Variants in TASP1 observed in about 807,000 individuals in gnomAD.
TASP1 encodes the protein threonine aspartase 1.
In TASP1, 16 loss-of-function variants were observed where a neutral mutation model predicts 56.6. That is an observed-to-expected ratio of 0.28 (90% CI 0.19 to 0.43). The LOEUF (loss-of-function observed/expected upper bound fraction) is 0.43. Ranked by LOEUF, TASP1 falls within the 20% of genes least tolerant of loss-of-function variation. The pLI, the probability that TASP1 is intolerant of heterozygous loss-of-function variation, is 1.00. For synonymous variants in TASP1, 179 were observed against 184.2 expected, an observed-to-expected ratio of 0.97 and a Z score of 0.23; for missense variants, 393 against 511.6, an observed-to-expected ratio of 0.77 and a Z score of 2.24.
the TASP1 span, among the ~76,000 whole-genome samples, chr20:13,205,989 C>T: frequency 6.6e-6 from 1 of 152,230 alleles, no homozygotes; most frequent in Admixed American, 6.5e-5. Flanking sequence ...CTCAGGACCT[C>T]CATCACCGGG....
intron 4 of TASP1, among the ~76,000 whole-genome samples, chr20:13,601,874 T>C (rs2047972240): frequency 7.5e-6 from 1 of 132,662 alleles, no homozygotes; most frequent in Non-Finnish European, 1.6e-5. Context: ...CATTCTTTTT[T>C]TTTTTTTTTT....
downstream of TASP1, among the ~76,000 whole-genome samples, chr20:13,384,729 C>T (rs1327653598): frequency 2.0e-5 from 3 of 152,256 alleles, no homozygotes; most frequent in East Asian, 1.9e-4. Flanking sequence ...CCTACTCATA[C>T]TTCCTTCCCC....
chr20:13,347,864 A>ATT, the TASP1 span, among the ~76,000 whole-genome samples: 1 of 151,468 alleles, frequency 6.6e-6, no homozygotes, highest in Non-Finnish European at 1.5e-5. Flanking sequence ...AAAATGGATA[A>ATT]TTTTTATTCC....
chr20:13,351,369 C>T, the TASP1 span, among the ~76,000 whole-genome samples: 46 of 152,302 alleles, frequency 3.0e-4, no homozygotes, highest in African/African-American at 8.7e-4. Context: ...ACACAGATAC[C>T]TGGTCACGAA....
chr20:13,154,137 G>A, the TASP1 span: 4 of 1,614,010 alleles, frequency 2.5e-6, no homozygotes, highest in South Asian at 2.2e-5. Context: ...TGGTAAAGTA[G>A]CGTAAGTATC....
chr20:13,473,138 C>T (rs1004497444), intron 11 of TASP1, among the ~76,000 whole-genome samples: 1 of 152,046 alleles, frequency 6.6e-6, no homozygotes, highest in Admixed American at 6.6e-5. Context: ...ACATATACAC[C>T]ATGGAATACT....
At chr20:13,489,533 GAAAAGAAAAGAA>G (rs1290268184) in intron 10 of TASP1, among the ~76,000 whole-genome samples, 1 of 151,812 alleles carries the variant, frequency 6.6e-6, no homozygotes, top group Admixed American at 6.6e-5. Context: ...AAAAAAAAGA[GAAAAGAAAAGAA>G]AAAAGAAAGA....
chr20:13,623,070 C>T (rs1442414216), intron 4 of TASP1, among the ~76,000 whole-genome samples: 1 of 152,154 alleles, frequency 6.6e-6, no homozygotes, highest in East Asian at 1.9e-4. Context: ...GAATCTTCCC[C>T]TTCTACTTTA....
chr20:13,126,506 G>A, the TASP1 span: 1 of 1,511,608 alleles, frequency 6.6e-7, no homozygotes. Context: ...TTTGCTATGA[G>A]GATAGGGATG....
the TASP1 span, among the ~76,000 whole-genome samples, chr20:13,372,903 C>T: frequency 1.3e-5 from 2 of 151,904 alleles, no homozygotes; most frequent in Non-Finnish European, 2.9e-5. Context: ...AAATGTTCCT[C>T]CTGTATAGCT....
chr20:13,605,218 G>C (rs1239320695), intron 4 of TASP1, among the ~76,000 whole-genome samples: 1 of 151,924 alleles, frequency 6.6e-6, no homozygotes. Flanking sequence ...AGGGAAATTT[G>C]AGAGTAATGG....
the TASP1 span, among the ~76,000 whole-genome samples, chr20:13,359,437 A>G: frequency 1.3e-5 from 2 of 151,460 alleles, no homozygotes; most frequent in African/African-American, 4.9e-5. Flanking sequence ...CTGAAGACTG[A>G]CACTGCCCGA....
At chr20:13,393,844 G>A (rs1245310779) in intron 13 of TASP1, among the ~76,000 whole-genome samples, 1 of 151,424 alleles carries the variant, frequency 6.6e-6, no homozygotes, top group Non-Finnish European at 1.5e-5. Context: ...CCACCCTGTT[G>A]TATACCATGA....
At chr20:13,364,009 A>C in the TASP1 span, among the ~76,000 whole-genome samples, 1 of 152,186 alleles carries the variant, frequency 6.6e-6, no homozygotes, top group African/African-American at 2.4e-5. Flanking sequence ...ATAATAACTC[A>C]CAAAAAAGGT....
the TASP1 span, among the ~76,000 whole-genome samples, chr20:13,264,524 T>C: frequency 1.3e-5 from 2 of 152,222 alleles, no homozygotes; most frequent in African/African-American, 4.8e-5. Flanking sequence ...TAATTTGCCC[T>C]GTGGCTTGGT....
chr20:13,232,594 G>A, the TASP1 span, among the ~76,000 whole-genome samples: 5 of 152,176 alleles, frequency 3.3e-5, no homozygotes, highest in South Asian at 2.1e-4. Context: ...GAACATTCAG[G>A]TATAAGCCTT....
chr20:13,352,338 T>C, the TASP1 span, among the ~76,000 whole-genome samples: 1 of 150,676 alleles, frequency 6.6e-6, no homozygotes. Flanking sequence ...TAATCCCAGA[T>C]ACTTGGGAGG....
At chr20:13,431,344 A>G (rs993937113) in intron 12 of TASP1, among the ~76,000 whole-genome samples, 1 of 152,166 alleles carries the variant, frequency 6.6e-6, no homozygotes, top group Admixed American at 6.5e-5. Context: ...AGAAAGGAGA[A>G]TCCACTTGAT....
At chr20:13,118,724 C>A in the TASP1 span, among the ~76,000 whole-genome samples, 2 of 152,146 alleles carry the variant, frequency 1.3e-5, no homozygotes, top group Non-Finnish European at 2.9e-5. Flanking sequence ...AACAAAAATC[C>A]CCACTTTCTT....
Sources: allele counts gnomAD v4.1 joint callset (sites outside exome capture counted in the v4.1 genomes callset), GRCh38; gene constraint gnomAD v4.1.1; transcripts MANE v1.5; gene names NCBI Gene and HGNC (gene_info 2026-07-23, HGNC 2026-07-21).